Variants in CAST observed in about 807,000 individuals in gnomAD.
CAST encodes the protein calpastatin.
A neutral mutation model predicts 119.6 loss-of-function variants in CAST; 76 were observed. The ratio of observed to expected loss-of-function variants is 0.64; its 90% CI spans 0.53 to 0.77. The LOEUF (loss-of-function observed/expected upper bound fraction) is 0.77. Among genes scored for constraint, CAST ranks in the 30% least tolerant of loss-of-function variants. CAST has a pLI of 0.00. For missense variants in CAST, 953 were observed against 946.5 expected (o/e 1.01, Z -0.09); for synonymous variants, 319 against 331.6 (o/e 0.96, Z 0.41).
At chr5:96,213,138 A>T in the CAST span, among the ~76,000 whole-genome samples, 1 of 151,102 alleles carries the variant, frequency 6.6e-6, no homozygotes, top group East Asian at 2.0e-4. Flanking sequence ...AATAATAATA[A>T]ATTTTAAAAA....
At chr5:96,173,753 T>C in the CAST span, among the ~76,000 whole-genome samples, 1 of 151,980 alleles carries the variant, frequency 6.6e-6, no homozygotes, top group African/African-American at 2.4e-5. Context: ...TTTTTTTCTT[T>C]TTTTTTTGTG....
rs115460061 is a variant in CAST, at chr5:96,683,267, A to G, written c.138+7666A>G. The stretch of plus-strand genomic sequence containing the variant: ...TGGTTCACCAATTGTGCTTTTCAAT[A>G]TAGTTCCATTGGCTTCGATTAGGAT... On this transcript the variant is annotated intron_variant, in intron 2 of 31. Coordinates refer to ENST00000675179, the MANE Select transcript of CAST (RefSeq NM_001750.7). Among the ~76,000 whole-genome samples the G allele has an allele frequency of 2.9e-3, 442 of 152,246 alleles. 2 individuals carry two copies. Among genetic ancestry groups the G allele is most frequent in the African/African-American group, 0.01 (426 of 41,538 alleles).
the CAST span, among the ~76,000 whole-genome samples, chr5:96,298,209 C>A: frequency 2.0e-5 from 3 of 152,304 alleles, no homozygotes; most frequent in South Asian, 6.2e-4. Context: ...GCCACCGTTA[C>A]AAAACAGGAT....
chr5:96,155,535 A>C, the CAST span, among the ~76,000 whole-genome samples: 10 of 152,260 alleles, frequency 6.6e-5, no homozygotes, highest in African/African-American at 2.4e-4. Context: ...AAACTCTTAC[A>C]TTGGTATTAG....
At chr5:96,337,835 ACTGT>A in the CAST span, among the ~76,000 whole-genome samples, 1 of 152,230 alleles carries the variant, frequency 6.6e-6, no homozygotes, top group Non-Finnish European at 1.5e-5. Flanking sequence ...TCATTAGTTT[ACTGT>A]CTGTCTTTAC....
rs1248083714 is a variant in CAST at position 96,773,073 on chromosome 5, T to A, written c.*457T>A. The A allele has an allele frequency of 6.5e-6, 1 of 153,924 alleles. No individual in the cohort carries two copies. Among genetic ancestry groups the A allele is most frequent in the African/African-American group, 2.4e-5 (1 of 41,468 alleles). The allele number at this position is 153,924 out of a possible 1,614,324, so 9.5% of individuals were successfully genotyped here. On this transcript the variant is annotated 3_prime_UTR_variant, in exon 32 of 32. Coordinates refer to ENST00000675179, the MANE Select transcript of CAST (RefSeq NM_001750.7). The stretch of plus-strand genomic sequence containing the variant: ...AAACATTCTTCAGTGTTCTGATTTC[T>A]TATTACCCCCTTTCCTCTTGGGCTT...
chr5:96,425,536 C>A, the CAST span, among the ~76,000 whole-genome samples: 3,072 of 152,214 alleles, frequency 0.02, 118 homozygotes, highest in African/African-American at 0.071. Flanking sequence ...AAACCCTAAC[C>A]TGCAAGATAT....
At chr5:96,530,230 G>C (rs1580811973) in intron 1 of CAST, among the ~76,000 whole-genome samples, 1 of 152,238 alleles carries the variant, frequency 6.6e-6, no homozygotes, top group Admixed American at 6.5e-5. Context: ...GGCTTCTCTG[G>C]GGAGGAGGCT....
At chr5:95,973,971 C>T in the CAST span, among the ~76,000 whole-genome samples, 1 of 151,814 alleles carries the variant, frequency 6.6e-6, no homozygotes, top group Non-Finnish European at 1.5e-5. Context: ...TTGAGTTTCT[C>T]TGCATCAAAG....
intron 1 of CAST, among the ~76,000 whole-genome samples, chr5:96,558,520 G>C (rs1435793734): frequency 6.6e-6 from 1 of 152,096 alleles, no homozygotes; most frequent in East Asian, 1.9e-4. Flanking sequence ...AAATGATAAA[G>C]GGGATAACAC....
chr5:96,236,278 AT>A, the CAST span, among the ~76,000 whole-genome samples: 1 of 152,210 alleles, frequency 6.6e-6, no homozygotes, highest in Non-Finnish European at 1.5e-5. Context: ...TAATTCAGTG[AT>A]GCATCCAGGA....
chr5:96,252,074 C>T, the CAST span, among the ~76,000 whole-genome samples: 1 of 152,098 alleles, frequency 6.6e-6, no homozygotes, highest in South Asian at 2.1e-4. Flanking sequence ...CTGACCTCTC[C>T]ATACTCTTAT....
chr5:96,373,188 A>G, the CAST span, among the ~76,000 whole-genome samples: 1 of 152,202 alleles, frequency 6.6e-6, no homozygotes, highest in African/African-American at 2.4e-5. Flanking sequence ...ATTCTGCTCC[A>G]CAAAGAGAAC....
At chr5:96,189,442 A>G in the CAST span, among the ~76,000 whole-genome samples, 1 of 152,116 alleles carries the variant, frequency 6.6e-6, no homozygotes, top group Non-Finnish European at 1.5e-5. Flanking sequence ...TTATTCCTCA[A>G]TATATGTCTA....
chr5:95,994,991 G>A, the CAST span, among the ~76,000 whole-genome samples: 1 of 152,020 alleles, frequency 6.6e-6, no homozygotes, highest in African/African-American at 2.4e-5. Flanking sequence ...TCTTCATATG[G>A]CTGACTCTCA....
intron 1 of CAST, chr5:96,663,041 C>G: frequency 4.3e-6 from 3 of 698,358 alleles, no homozygotes; most frequent in South Asian, 1.5e-5. Flanking sequence ...AGCCCGGTCC[C>G]GGCCAAGCGG....
chr5:96,370,629 A>G, the CAST span, among the ~76,000 whole-genome samples: 1 of 151,272 alleles, frequency 6.6e-6, no homozygotes, highest in East Asian at 1.9e-4. Context: ...AGTCAACAGT[A>G]CTGTTGCTTT....
chr5:96,309,050 T>G, the CAST span, among the ~76,000 whole-genome samples: 1 of 151,994 alleles, frequency 6.6e-6, no homozygotes, highest in Non-Finnish European at 1.5e-5. Context: ...GCTGAAGCTG[T>G]GCCCACAGCC....
At chr5:96,497,918 A>G in the CAST span, among the ~76,000 whole-genome samples, 11 of 152,296 alleles carry the variant, frequency 7.2e-5, no homozygotes, top group East Asian at 2.1e-3. Flanking sequence ...TTGGTGTTTT[A>G]GACATGAAGT....
Sources: gnomAD v4.1 joint callset for allele counts (sites outside exome capture counted in the v4.1 genomes callset) on GRCh38, gnomAD v4.1.1 for gene constraint, MANE v1.5 for transcripts, NCBI Gene and HGNC (gene_info 2026-07-23, HGNC 2026-07-21) for gene names.